The following FOXP1 variants were observed in gnomAD, a reference collection of about 807,000 sequenced individuals.
FOXP1 encodes the protein forkhead box protein P1.
Under a neutral mutation model 98.2 loss-of-function variants are expected in FOXP1, and 15 were observed. That is an observed-to-expected ratio of 0.15 (90% CI 0.10 to 0.24). The LOEUF (loss-of-function observed/expected upper bound fraction) is 0.24. Ranked by LOEUF, FOXP1 falls within the 10% of genes least tolerant of loss-of-function variation. FOXP1 has a pLI of 1.00. For missense variants in FOXP1, 633 were observed against 848.5 expected, an observed-to-expected ratio of 0.75 and a Z score of 3.15; for synonymous variants, 371 against 314.5, an observed-to-expected ratio of 1.18 and a Z score of -1.90.
intron 12 of FOXP1, among the ~76,000 whole-genome samples, chr3:71,009,167 G>GGGGGGGGGGGGGCT (rs1559707758): frequency 1.2e-5 from 1 of 84,024 alleles, no homozygotes; most frequent in African/African-American, 3.7e-5. Context: ...GGGGGGGGGG[G>GGGGGGGGGGGGGCT]GCGCATGACA....
chr3:71,357,512 G>T (rs2078245486), intron 4 of FOXP1, among the ~76,000 whole-genome samples: 1 of 152,332 alleles, frequency 6.6e-6, no homozygotes, highest in South Asian at 2.1e-4. Flanking sequence ...CATAATGGTT[G>T]CTCAGTAAGC....
chr3:71,526,137 T>C (rs1654018), intron 2 of FOXP1, among the ~76,000 whole-genome samples: 1,298 of 44,130 alleles, frequency 0.029, 4 homozygotes, highest in African/African-American at 0.057. Flanking sequence ...TATAAATAAA[T>C]AAACAAACAA....
intron 12 of FOXP1, among the ~76,000 whole-genome samples, chr3:71,005,328 A>AAAC (rs1553687879): frequency 2.0e-5 from 3 of 149,082 alleles, no homozygotes; most frequent in Non-Finnish European, 4.5e-5. Flanking sequence ...AAAAAAAAAA[A>AAAC]AAAAAAAAAA....
At chr3:71,461,539 G>C (rs567167325) in intron 3 of FOXP1, among the ~76,000 whole-genome samples, 57 of 152,130 alleles carry the variant, frequency 3.7e-4, no homozygotes, top group Non-Finnish European at 6.8e-4. Flanking sequence ...GTGGTGGCTC[G>C]TGCCTGTAAT....
intron 4 of FOXP1, among the ~76,000 whole-genome samples, chr3:71,303,911 T>A (rs933990576): frequency 6.6e-6 from 1 of 151,956 alleles, no homozygotes; most frequent in African/African-American, 2.4e-5. Context: ...GCAGCCGGGG[T>A]CTCTGAGACC....
At chr3:71,342,155 G>C (rs573532257) in intron 4 of FOXP1, among the ~76,000 whole-genome samples, 1 of 152,104 alleles carries the variant, frequency 6.6e-6, no homozygotes, top group African/African-American at 2.4e-5. Flanking sequence ...TCCACATGAG[G>C]TTCCATGTAC....
intron 2 of FOXP1, among the ~76,000 whole-genome samples, chr3:71,531,688 T>C (rs2043863871): frequency 6.6e-6 from 1 of 152,218 alleles, no homozygotes; most frequent in African/African-American, 2.4e-5. Context: ...TGATTTATCA[T>C]TTCTGACTAG....
chr3:71,191,162 G>A (rs556674396), intron 6 of FOXP1, among the ~76,000 whole-genome samples: 1 of 152,336 alleles, frequency 6.6e-6, no homozygotes, highest in East Asian at 1.9e-4. Flanking sequence ...AGCACTAGTT[G>A]TTGATAAACG....
intron 14 of FOXP1, among the ~76,000 whole-genome samples, chr3:70,984,530 C>G (rs2039411754): frequency 6.6e-6 from 1 of 152,174 alleles, no homozygotes; most frequent in South Asian, 2.1e-4. Context: ...ACTCTGAACA[C>G]CTCCATGGCA....
chr3:71,359,857 A>G (rs1470791804), intron 3 of FOXP1, among the ~76,000 whole-genome samples: 1 of 151,886 alleles, frequency 6.6e-6, no homozygotes, highest in Non-Finnish European at 1.5e-5. Flanking sequence ...CAGTGGCATG[A>G]TCTCGGCTCA....
At chr3:71,249,441 A>G (rs1430419301) in intron 5 of FOXP1, among the ~76,000 whole-genome samples, 2 of 152,240 alleles carry the variant, frequency 1.3e-5, no homozygotes, top group Non-Finnish European at 2.9e-5. Context: ...CCTAATCTTT[A>G]CAATTGCCTT....
At chr3:71,410,554 G>C (rs1470258017) in intron 3 of FOXP1, among the ~76,000 whole-genome samples, 1 of 152,170 alleles carries the variant, frequency 6.6e-6, no homozygotes. Flanking sequence ...AGTCAAAAAG[G>C]CATCCATGGG....
In FOXP1 at chr3:71,308,807, G is replaced by GT. The variant is rs1491148495; in HGVS notation, c.-72-8928_-72-8927insA. 2.3e-4 allele frequency among the ~76,000 whole-genome samples: 32 copies of GT among 138,128 alleles called. 1 individual carries two copies. The highest frequency in any genetic ancestry group is 1.9e-3 in the South Asian group (8 of 4,238). The allele number at this position is 138,128 out of a possible 152,430, so 90.6% of individuals were successfully genotyped here. On this transcript the variant is annotated intron_variant, in intron 4 of 20. Transcript: ENST00000649528. ...TGTGTGTGTGTGTGTGTGTGTGTGT[G>GT]GGTGAGGGGGGACAGCTCCAAAGCA...
chr3:71,313,996 G>C (rs1054283665), intron 4 of FOXP1, among the ~76,000 whole-genome samples: 1 of 152,072 alleles, frequency 6.6e-6, no homozygotes, highest in African/African-American at 2.4e-5. Flanking sequence ...GTGAGCTTAG[G>C]CAAATTGCCT....
In FOXP1 at chr3:70,954,723, G is replaced by C. The variant is rs2031365678; in HGVS notation, c.*4524C>G. Reference sequence around the variant, plus strand: ...CTGTGGCAACTTTTACTACCAGCGTGAACAACCAGCATTTTTATTGCATTT... The same window carrying C: ...CTGTGGCAACTTTTACTACCAGCGTCAACAACCAGCATTTTTATTGCATTT... On this transcript the variant is annotated 3_prime_UTR_variant, in exon 21 of 21. Transcript: ENST00000649528. The C allele has an allele frequency of 4.4e-6, 1 of 225,280 alleles. No individual in the cohort carries two copies. Among genetic ancestry groups the C allele is most frequent in the Admixed American group, 5.7e-5 (1 of 17,548 alleles). The allele number at this position is 225,280 out of a possible 1,614,324, so 14.0% of individuals were successfully genotyped here. A position where few individuals can be genotyped will look rare whatever the true frequency, so the allele number is the denominator to read the frequency against.
At chr3:71,554,623 T>C (rs62244888) in intron 2 of FOXP1, among the ~76,000 whole-genome samples, 44,966 of 152,124 alleles carry the variant, frequency 0.3, 8,231 homozygotes, top group Non-Finnish European at 0.41. Context: ...GCTGGCACCA[T>C]TTATTGTCTA....
intron 3 of FOXP1, among the ~76,000 whole-genome samples, chr3:71,417,961 A>T (rs2083337645): frequency 6.7e-6 from 1 of 149,808 alleles, no homozygotes; most frequent in African/African-American, 2.4e-5. Flanking sequence ...GGTCTGTTGC[A>T]CTGTTATCCT....
chr3:71,052,451 C>T, intron 9 of FOXP1, 86 bp downstream of exon 9: 1 of 828,794 alleles, frequency 1.2e-6, no homozygotes, highest in Admixed American at 1.7e-5. Flanking sequence ...GTTGTGCAAT[C>T]ATTTAAAAGA....
At chr3:71,164,356 C>T (rs1045658452) in intron 6 of FOXP1, among the ~76,000 whole-genome samples, 3 of 152,080 alleles carry the variant, frequency 2.0e-5, no homozygotes, top group African/African-American at 4.8e-5. Flanking sequence ...CCCGCCACCA[C>T]GCCCGGAGAA....
Sources: allele counts gnomAD v4.1 joint callset (sites outside exome capture counted in the v4.1 genomes callset), GRCh38; gene constraint gnomAD v4.1.1; transcripts MANE v1.5; gene names NCBI Gene and HGNC (gene_info 2026-07-23, HGNC 2026-07-21).